Variants in ZNF37A observed in about 807,000 individuals in gnomAD.
ZNF37A encodes zinc finger protein 37A.
In ZNF37A, 10 loss-of-function variants were observed where a neutral mutation model predicts 12.3. The observed-to-expected ratio is 0.82, with a 90% CI of 0.50 to 1.38. ZNF37A has a LOEUF of 1.38. Ranked by LOEUF, ZNF37A falls within the 40% of genes most tolerant of loss-of-function variation. The pLI is 0.00. For missense variants in ZNF37A, 580 were observed against 651.2 expected, an observed-to-expected ratio of 0.89 and a Z score of 1.19; for synonymous variants, 207 against 223.0, an observed-to-expected ratio of 0.93 and a Z score of 0.64.
In ZNF37A at chr10:38,120,066, A is replaced by C. The variant is rs1335576315; in HGVS notation, c.*1229A>C. 1 of 152,216 alleles carries C rather than the reference A, an allele frequency of 6.6e-6. No individual in the cohort carries two copies. 9.4% of individuals were successfully genotyped at this position (152,216 alleles called of 1,614,324 possible). ...ACTCTATTTCTCTCCATACTGAAAC[A>C]TGTCTTTCATAGGTGATACAACTTT... On this transcript the variant is annotated 3_prime_UTR_variant, in exon 8 of 8. Transcript: ENST00000685332.
chr10:38,099,931 A>C (rs562578022), intron 5 of ZNF37A, among the ~76,000 whole-genome samples: 1 of 152,290 alleles, frequency 6.6e-6, no homozygotes, highest in South Asian at 2.1e-4. Context: ...TTATGGTGAA[A>C]TGTATTGGGG....
chr10:38,102,098 G>A (rs1341403833), intron 5 of ZNF37A, among the ~76,000 whole-genome samples: 1 of 152,024 alleles, frequency 6.6e-6, no homozygotes, highest in East Asian at 1.9e-4. Context: ...GCCTCCCAAA[G>A]TGCTGGGATT....
Position 38,095,754 on chromosome 10 carries a change from A to C in ZNF37A, c.-95A>C, listed in dbSNP as rs1336361828. The C allele has an allele frequency of 6.6e-6, 1 of 152,244 alleles. No individual in the cohort carries two copies. The highest frequency in any genetic ancestry group is 1.5e-5 in the Non-Finnish European group (1 of 68,048). The allele number at this position is 152,244 out of a possible 1,614,324, so 9.4% of individuals were successfully genotyped here. A position where few individuals can be genotyped will look rare whatever the true frequency, so the allele number is the denominator to read the frequency against. On this transcript the variant is annotated 5_prime_UTR_variant, in exon 4 of 8. Transcript: ENST00000685332. Reference sequence around the variant, plus strand: ...ATTTTGTTGTGGCAGAGTCAAGAACAGACAGAGTCGCTTGAGGACTCAGGA... The same window carrying C: ...ATTTTGTTGTGGCAGAGTCAAGAACCGACAGAGTCGCTTGAGGACTCAGGA...
exon 8 of ZNF37A, chr10:38,149,957 T>C (rs2070306216): frequency 6.6e-6 from 1 of 152,226 alleles, no homozygotes; most frequent in African/African-American, 2.4e-5. Flanking sequence ...TTTTTATGGC[T>C]TTATTCTTTG....
exon 8 of ZNF37A, chr10:38,146,792 T>A (rs1408591116): frequency 2.5e-6 from 1 of 398,168 alleles, no homozygotes; most frequent in Non-Finnish European, 4.4e-6. Context: ...ACCAGCTCGG[T>A]CGTGGAGACT....
intron 5 of ZNF37A, among the ~76,000 whole-genome samples, chr10:38,108,791 T>A (rs1343938751): frequency 6.6e-6 from 1 of 152,024 alleles, no homozygotes; most frequent in Non-Finnish European, 1.5e-5. Flanking sequence ...CAGGAAGAAG[T>A]CAAATCCCTG....
At chr10:38,101,659 A>G (rs1252990010) in intron 5 of ZNF37A, among the ~76,000 whole-genome samples, 1 of 151,144 alleles carries the variant, frequency 6.6e-6, no homozygotes, top group Non-Finnish European at 1.5e-5. Flanking sequence ...CTTTTGTCTC[A>G]GTATAGCCAC....
chr10:38,144,155 G>A (rs1235290684), intron 7 of ZNF37A: 1 of 152,146 alleles, frequency 6.6e-6, no homozygotes, highest in East Asian at 1.9e-4. Flanking sequence ...AAAGTGTTTT[G>A]ATCATAGTAT....
chr10:38,099,131 T>A (rs540413370), intron 5 of ZNF37A, among the ~76,000 whole-genome samples: 10 of 152,334 alleles, frequency 6.6e-5, no homozygotes, highest in African/African-American at 2.4e-4. Context: ...TTATTTATTG[T>A]TAGTTTTTTG....
intron 7 of ZNF37A, among the ~76,000 whole-genome samples, chr10:38,130,762 G>A (rs2070014371): frequency 6.6e-6 from 1 of 152,034 alleles, no homozygotes; most frequent in South Asian, 2.1e-4. Context: ...GAGGCATCAT[G>A]CCTAGCCCAC....
At chr10:38,098,799 C>T (rs1445252158) in intron 5 of ZNF37A, among the ~76,000 whole-genome samples, 3 of 152,174 alleles carry the variant, frequency 2.0e-5, no homozygotes, top group African/African-American at 4.8e-5. Context: ...TGACTGGTTG[C>T]AGTAGAGACT....
At chr10:38,112,390 T>C (rs1268466111) in intron 5 of ZNF37A, among the ~76,000 whole-genome samples, 4 of 152,104 alleles carry the variant, frequency 2.6e-5, no homozygotes, top group Admixed American at 2.6e-4. Flanking sequence ...TGCCTAGTGT[T>C]CCATTAGTGG....
chr10:38,115,068 T>A (rs2069142153), intron 6 of ZNF37A, 127 bp from the exon 7 acceptor site: 3 of 126,188 alleles, frequency 2.4e-5, no homozygotes, highest in East Asian at 4.5e-4. Context: ...TTAAATGAAG[T>A]GTGTGTGTGT....
Position 38,119,494 on chromosome 10 carries a change from G to A in ZNF37A, c.*657G>A. 6 of 747,836 alleles carry A rather than the reference G, an allele frequency of 8.0e-6. No individual in the cohort carries two copies. Among genetic ancestry groups the A allele is most frequent in the Non-Finnish European group, 9.8e-6 (6 of 613,150 alleles). 46.3% of individuals were successfully genotyped at this position (747,836 alleles called of 1,614,324 possible). A position where few individuals can be genotyped will look rare whatever the true frequency, so the allele number is the denominator to read the frequency against. ...GTATTTTTAACTGTATCCAATGTGT[G>A]GATGTTTTAAGTTAAAATCTAAATT... On this transcript the variant is annotated 3_prime_UTR_variant, in exon 8 of 8. Coordinates refer to ENST00000685332, the MANE Select transcript of ZNF37A (RefSeq NM_001324250.3).
chr10:38,146,931 A>T (rs2070263326), exon 8 of ZNF37A: 1 of 392,770 alleles, frequency 2.5e-6, no homozygotes, highest in Admixed American at 4.4e-5. Context: ...ATGTTTATTG[A>T]CAGCAAGCCA....
chr10:38,112,773 T>TCTTGG lies in ZNF37A; in HGVS notation c.16-1982_16-1981insCTTGG, dbSNP rs1564932263. 1.1e-3 allele frequency among the ~76,000 whole-genome samples: 75 copies of TCTTGG among 65,640 alleles called. 11 individuals are homozygous for TCTTGG. The highest frequency in any genetic ancestry group is 2.4e-3 in the African/African-American group (44 of 17,968). 43.1% of individuals were successfully genotyped at this position (65,640 alleles called of 152,430 possible). On this transcript the variant is annotated intron_variant, in intron 5 of 7. Transcript: ENST00000685332. ...TTCTTTTCTTTTCTTTTCTTTTCTT[T>TCTTGG]TCTTTTCTTTTCTTTTCTTTTCTTG...
chr10:38,103,214 T>C (rs1455030505), intron 5 of ZNF37A, among the ~76,000 whole-genome samples: 1 of 152,008 alleles, frequency 6.6e-6, no homozygotes, highest in Non-Finnish European at 1.5e-5. Context: ...TTAGGCACTG[T>C]CTATTTTTCA....
chr10:38,139,129 T>A (rs554264133), intron 7 of ZNF37A: 1 of 152,220 alleles, frequency 6.6e-6, no homozygotes, highest in Non-Finnish European at 1.5e-5. Context: ...TGGGACCTTA[T>A]TTCCTGTGTC....
intron 5 of ZNF37A, among the ~76,000 whole-genome samples, chr10:38,099,649 G>A (rs72793759): frequency 0.1 from 15,417 of 152,156 alleles, 1,032 homozygotes; most frequent in Non-Finnish European, 0.15. Context: ...TGGTATGGCT[G>A]GAATCTATGG....
Sources: allele counts gnomAD v4.1 joint callset (sites outside exome capture counted in the v4.1 genomes callset), GRCh38; gene constraint gnomAD v4.1.1; transcripts MANE v1.5; gene names NCBI Gene and HGNC (gene_info 2026-07-23, HGNC 2026-07-21).